Variants in EPPK1 observed in about 807,000 individuals in gnomAD.
EPPK1 encodes the protein epiplakin 1, also known as epiplakin.
For synonymous variants in EPPK1, 1,862 were observed against 1,721.2 expected, an observed-to-expected ratio of 1.08 and a Z score of -2.03; for missense variants, 3,823 against 3,673.3, an observed-to-expected ratio of 1.04 and a Z score of -1.05.
At position 143,866,388 on chromosome 8, in the gene EPPK1, G is replaced by A. The variant is rs1176820628; in HGVS notation, c.6866C>T (p.Ala2289Val). The A allele has an allele frequency of 4.9e-5, 49 of 998,334 alleles. No homozygotes were observed. The highest frequency in any genetic ancestry group is 9.5e-5 in the African/African-American group (5 of 52,780). The allele number at this position is 998,334 out of a possible 1,614,324, so 61.8% of individuals were successfully genotyped here. Reference sequence around the variant, plus strand: ...CTGGATCTCGCCGCCCACCACGCCCGCGGCCACGGCCTCCTCCACCGACAG... The same window carrying A: ...CTGGATCTCGCCGCCCACCACGCCCACGGCCACGGCCTCCTCCACCGACAG... ...LRLSVEEAVA[A>V]GVVGGEIQEK... Residue 2289 changes from alanine to valine, a missense_variant, in exon 2 of 2, where the codon GCG becomes GTG. By Grantham distance (64) the Ala-to-Val change is moderately conservative. Transcript: ENST00000615648.
In EPPK1 at chr8:143,869,276, C is replaced by T. The variant is rs782057007; in HGVS notation, c.3978G>A (p.Gly1326=). 1.2e-6 allele frequency: 2 copies of T among 1,605,630 alleles called. No homozygotes were observed. Among genetic ancestry groups the T allele is most frequent in the African/African-American group, 2.7e-5 (2 of 74,810 alleles). Reference sequence around the variant, plus strand: ...AGGCCCTAGAGTAGGGATCTGGGTACCCGGCCGCCGCCCTCTCGGCCTGCC... The same window carrying T: ...AGGCCCTAGAGTAGGGATCTGGGTATCCGGCCGCCGCCCTCTCGGCCTGCC... ...QLGQAERAAA[G]YPDPYSRASL... Residue 1326 remains glycine (G), a synonymous_variant, in exon 2 of 2, where the codon GGG becomes GGA. Transcript: ENST00000615648.
chr8:143,878,937 C>T (rs1554662798), upstream of EPPK1, among the ~76,000 whole-genome samples: 1 of 152,136 alleles, frequency 6.6e-6, no homozygotes, highest in Non-Finnish European at 1.5e-5. Context: ...GGCCCCCCTG[C>T]CCCCATGACG....
In EPPK1 at chr8:143,866,705, A is replaced by T; in HGVS notation, c.6549T>A (p.Ala2183=). 1 of 1,613,374 alleles carries T rather than the reference A, an allele frequency of 6.2e-7. No homozygotes were observed. The change falls in exon 2 of 2, where the codon GCT becomes GCA. Residue 2183 remains alanine, a synonymous_variant. Transcript: ENST00000615648. ...WFQGIRRQIT[A]SELLSSAIIT... ...TTATGGCTGAGCTGAGGAGTTCAGA[A>T]GCTGTGATCTGTCGTCTAATTCCTT...
Position 143,870,071 on chromosome 8 carries a change from T to C in EPPK1, c.3183A>G (p.Pro1061=). 6.2e-7 allele frequency: 1 copy of C among 1,610,594 alleles called. No homozygotes were observed. Among genetic ancestry groups the C allele is most frequent in the South Asian group, 1.1e-5 (1 of 90,556 alleles). ...CAACATAGCCACGCTGAATGGCCAC[T>C]GGCATGGGGAGGTGGTGGTGGCTGG... ...DPTSHHHLPM[P]VAIQRGYVDQ... The change falls in exon 2 of 2, where the codon CCA becomes CCG. Residue 1061 remains proline, a synonymous_variant. Coordinates refer to ENST00000615648, the MANE Select transcript of EPPK1 (RefSeq NM_031308.4). This position sits in a 1 kb window ranked among gnomAD's most constrained non-coding sequence, Gnocchi z 5.2.
chr8:143,871,150 G>A lies in EPPK1; in HGVS notation c.2104C>T (p.Leu702Phe), dbSNP rs528338708. 15 of 1,613,240 alleles carry A rather than the reference G, an allele frequency of 9.3e-6. No individual in the cohort carries two copies. Among genetic ancestry groups the A allele is most frequent in the African/African-American group, 1.3e-5 (1 of 75,060 alleles). Residue 702 changes from leucine to phenylalanine, a missense_variant, in exon 2 of 2, where the codon CTC (leucine) becomes TTC (phenylalanine). Leu to Phe is a conservative substitution (Grantham distance 22). Coordinates refer to ENST00000615648, the MANE Select transcript of EPPK1 (RefSeq NM_031308.4). ...TDPYTGQQIS[L>F]FQAMQKGLIV... is the part of the protein sequence containing the mutation. ...AGGCCCTTCTGCATGGCCTGGAAGAGGGAGATCTGCTGCCCGGTGTAGGGG... is the reference window on the plus strand; with the variant it reads ...AGGCCCTTCTGCATGGCCTGGAAGAAGGAGATCTGCTGCCCGGTGTAGGGG...
intron 1 of EPPK1, among the ~76,000 whole-genome samples, chr8:143,874,853 G>A (rs552907554): frequency 6.6e-6 from 1 of 152,210 alleles, no homozygotes; most frequent in Non-Finnish European, 1.5e-5. Context: ...CTCAGGAGAA[G>A]GGTCGGATCC....
chr8:143,869,164 C>T lies in EPPK1; in HGVS notation c.4090G>A (p.Gly1364Ser), dbSNP rs1554660249. ...ACCCCGTGGACAGGGTCCACCACAC[C>T]CCCTGTGGCCAGCTGCACCTGCAGG... ...PLLQVQLATG[G>S]VVDPVHGVHL... Residue 1364 changes from glycine to serine, a missense_variant, in exon 2 of 2, where the codon GGT becomes AGT. By Grantham distance (56) the Gly-to-Ser change is moderately conservative (BLOSUM62 0). Coordinates refer to ENST00000615648, the MANE Select transcript of EPPK1 (RefSeq NM_031308.4). 1 of 1,607,732 alleles carries T rather than the reference C, an allele frequency of 6.2e-7. No homozygotes were observed. The highest frequency in any genetic ancestry group is 2.2e-5 in the East Asian group (1 of 44,848).
Position 143,868,649 on chromosome 8 carries a change from C to T in EPPK1, c.4605G>A (p.Arg1535=), listed in dbSNP as rs1554660013. Residue 1535 remains arginine (R), a synonymous_variant, in exon 2 of 2, where the codon AGG becomes AGA. Coordinates refer to ENST00000615648, the MANE Select transcript of EPPK1 (RefSeq NM_031308.4). ...RKQVSARDLF[R]AQLISRKTLD... ...GCGTCTTCCTGCTGATCAGCTGCGC[C>T]CTGAACAGGTCCCTGGCTGACACCT... The T allele has an allele frequency of 1.9e-6, 3 of 1,589,360 alleles. No homozygotes were observed. The highest frequency in any genetic ancestry group is 2.6e-6 in the Non-Finnish European group (3 of 1,169,038).
rs1819172174 is a variant in EPPK1, at chr8:143,867,540, G to A, written c.5714C>T (p.Pro1905Leu). The A allele has an allele frequency of 8.1e-6, 13 of 1,612,640 alleles. No individual in the cohort carries two copies. The highest frequency in any genetic ancestry group is 1.1e-5 in the Non-Finnish European group (13 of 1,179,794). Residue 1905 changes from proline to leucine, a missense_variant, in exon 2 of 2, where the codon CCC (proline) becomes CTC (leucine). By Grantham distance (98) the Pro-to-Leu change is moderately conservative. Transcript: ENST00000615648. Reference sequence around the variant, plus strand: ...GAGGCTCATGACCTCCCTGGTGGAGGGCACCGTGACCCCCGCAATGCAGCC... The same window carrying A: ...GAGGCTCATGACCTCCCTGGTGGAGAGCACCGTGACCCCCGCAATGCAGCC... ...GSGCIAGVTV[P>L]STREVMSLHE...
Position 143,872,102 on chromosome 8 carries a change from C to T in EPPK1, c.1152G>A (p.Gly384=). The T allele has an allele frequency of 6.4e-7, 1 of 1,559,872 alleles. No homozygotes were observed. Among genetic ancestry groups the T allele is most frequent in the Non-Finnish European group, 8.7e-7 (1 of 1,152,740 alleles). The change falls in exon 2 of 2, where the codon GGG becomes GGA. Residue 384 remains glycine (G), a synonymous_variant. Transcript: ENST00000615648. ...GCAGTGCCAGTGGCCTGTCCACTAG[C>T]CCCTTCTTCATGGCCTGGAAAAGGG... The part of the protein sequence containing the change: ...QIPLFQAMKK[G]LVDRPLALRL...
Position 143,872,945 on chromosome 8 carries a change from C to T in EPPK1, c.309G>A (p.Leu103=), listed in dbSNP as rs1000734905. The T allele has an allele frequency of 7.5e-6, 12 of 1,609,600 alleles. No individual in the cohort carries two copies. Among genetic ancestry groups the T allele is most frequent in the Middle Eastern group, 1.6e-4 (1 of 6,072 alleles). Residue 103 remains leucine (L), a synonymous_variant, in exon 2 of 2, where the codon CTG becomes CTA. Transcript: ENST00000615648. ...LPVSKALQQG[L]VGLELKEKLL... ...GCTTCTCCTTCAGCTCCAGCCCCAC[C>T]AGACCCTGCTGCAGGGCCTTGGACA...
In EPPK1 at chr8:143,872,755, C is replaced by T. The variant is rs549405369; in HGVS notation, c.499G>A (p.Val167Met). 2.5e-6 allele frequency: 4 copies of T among 1,590,774 alleles called. No individual in the cohort carries two copies. In the South Asian group the frequency reaches 4.5e-5, roughly 18 times the overall value. ...TGGLVDPAQG[V>M]LVAPEPACHQ... is the part of the protein sequence containing the mutation. ...CAGGCTGGCTCAGGGGCCACGAGCACTCCCTGGGCGGGGTCCACCAGGCCC... is the reference window on the plus strand; with the variant it reads ...CAGGCTGGCTCAGGGGCCACGAGCATTCCCTGGGCGGGGTCCACCAGGCCC... The change falls in exon 2 of 2, where the codon GTG (valine) becomes ATG (methionine). Residue 167 changes from valine to methionine, a missense_variant. By Grantham distance (21) the Val-to-Met change is conservative. Transcript: ENST00000615648.
In EPPK1 at chr8:143,870,605, C is replaced by T; in HGVS notation, c.2649G>A (p.Leu883=). ...QRQADIMLPA[L]RSRVTVHQLL... The stretch of plus-strand genomic sequence containing the variant: ...GCTGGTGGACGGTGACCCGGCTCCG[C>T]AGTGCGGGCAGCATGATGTCCGCCT... Residue 883 remains leucine, a synonymous_variant, in exon 2 of 2, where the codon CTG becomes CTA. Coordinates refer to ENST00000615648, the MANE Select transcript of EPPK1 (RefSeq NM_031308.4). This position sits in a 1 kb window ranked among gnomAD's most constrained non-coding sequence, Gnocchi z 5.2. 6.2e-7 allele frequency: 1 copy of T among 1,607,162 alleles called. No individual in the cohort carries two copies. The highest frequency in any genetic ancestry group is 8.5e-7 in the Non-Finnish European group (1 of 1,177,762).
At position 143,870,673 on chromosome 8, in the gene EPPK1, G is replaced by C. The variant is rs372201257; in HGVS notation, c.2581C>G (p.Leu861Val). ...LRRYRQREVT[L>V]GQVAKLLEAE... ...TCCAGCAGCTTTGCCACCTGCCCCA[G>C]CGTGACCTCGCGCTGCCGGTAGCGA... is the stretch of plus-strand genomic sequence containing the variant. Residue 861 changes from leucine (L) to valine (V), a missense_variant, in exon 2 of 2, where the codon CTG becomes GTG. Leu to Val is a conservative substitution (Grantham distance 32, BLOSUM62 1). Transcript: ENST00000615648. This position sits in a 1 kb window ranked among gnomAD's most constrained non-coding sequence, Gnocchi z 5.2. 1.6e-5 allele frequency: 25 copies of C among 1,608,014 alleles called. No homozygotes were observed. The highest frequency in any genetic ancestry group is 2.1e-5 in the Non-Finnish European group (25 of 1,178,032).
Position 143,866,716 on chromosome 8 carries a change from G to C in EPPK1, c.6538C>G (p.Gln2180Glu), listed in dbSNP as rs782607368. Residue 2180 changes from glutamine (Q) to glutamate (E), a missense_variant, in exon 2 of 2, where the codon CAG becomes GAG. Transcript: ENST00000615648. ...KHLWFQGIRRQITASELLSSA... is the reference protein window; with the variant it reads ...KHLWFQGIRREITASELLSSA... Reference sequence around the variant, plus strand: ...CTGAGGAGTTCAGAAGCTGTGATCTGTCGTCTAATTCCTTGGAACCACAGG... The same window carrying C: ...CTGAGGAGTTCAGAAGCTGTGATCTCTCGTCTAATTCCTTGGAACCACAGG... 3.7e-6 allele frequency: 6 copies of C among 1,613,422 alleles called. No individual in the cohort carries two copies. Among genetic ancestry groups the C allele is most frequent in the South Asian group, 3.3e-5 (3 of 91,086 alleles).
At position 143,867,378 on chromosome 8, in the gene EPPK1, A is replaced by T. The variant is rs1554659448; in HGVS notation, c.5876T>A (p.Leu1959Gln). 2.5e-6 allele frequency: 4 copies of T among 1,612,858 alleles called. No individual in the cohort carries two copies. Among genetic ancestry groups the T allele is most frequent in the Non-Finnish European group, 3.4e-6 (4 of 1,179,856 alleles). The change falls in exon 2 of 2, where the codon CTG becomes CAG. Residue 1959 changes from leucine to glutamine, a missense_variant. Coordinates refer to ENST00000615648, the MANE Select transcript of EPPK1 (RefSeq NM_031308.4). ...CCTCTCCCGCAGCTCCTCGTTCACC[A>T]GGCCCACATCCACAGCCTCATCCAC... ...LSVDEAVDVG[L>Q]VNEELRERLL...
At chr8:143,874,566 G>A (rs1368879997) in intron 1 of EPPK1, among the ~76,000 whole-genome samples, 2 of 152,184 alleles carry the variant, frequency 1.3e-5, no homozygotes, top group African/African-American at 2.4e-5. Context: ...AAGGCAGGCA[G>A]GATCCTCCCC....
rs782769560 is a variant in EPPK1 at position 143,870,000 on chromosome 8, G to A, written c.3254C>T (p.Pro1085Leu). ...TALSSSSETF[P>L]TPDGQGRTSY... ...CGTGCGCCCCTGGCCGTCCGGTGTG[G>A]GGAAGGTTTCGGAGGAGCTGGACAA... The change falls in exon 2 of 2, where the codon CCC becomes CTC. Residue 1085 changes from proline to leucine, a missense_variant. Coordinates refer to ENST00000615648, the MANE Select transcript of EPPK1 (RefSeq NM_031308.4). The A allele has an allele frequency of 2.5e-6, 4 of 1,609,488 alleles. No individual in the cohort carries two copies. Among genetic ancestry groups the A allele is most frequent in the Admixed American group, 3.4e-5 (2 of 59,604 alleles).
At position 143,872,250 on chromosome 8, in the gene EPPK1, T is replaced by C. The variant is rs1361182408; in HGVS notation, c.1004A>G (p.Gln335Arg). ...GACTGCCTCGTCTACCCACAGCCGC[T>C]GGCCTGTGATGGGGTCCACCAGGGT... ...THTLVDPITGQRLWVDEAVRA... is the reference protein window; with the variant it reads ...THTLVDPITGRRLWVDEAVRA... Residue 335 changes from glutamine to arginine, a missense_variant, in exon 2 of 2, where the codon CAG (glutamine) becomes CGG (arginine). By Grantham distance (43) the Gln-to-Arg change is conservative. Transcript: ENST00000615648. 1 of 1,609,660 alleles carries C rather than the reference T, an allele frequency of 6.2e-7. No homozygotes were observed. Among genetic ancestry groups the C allele is most frequent in the Non-Finnish European group, 8.5e-7 (1 of 1,178,498 alleles).
Sources: gnomAD v4.1 joint callset for allele counts (sites outside exome capture counted in the v4.1 genomes callset) on GRCh38, gnomAD v4.1.1 for gene constraint, Gnocchi (gnomAD v3.1) non-coding constraint, MANE v1.5 for transcripts, NCBI Gene and HGNC (gene_info 2026-07-23, HGNC 2026-07-21) for gene names.